The following RSPO2 variants were observed in gnomAD, a reference collection of about 807,000 sequenced individuals.
RSPO2 encodes R-spondin 2.
RSPO2 carries 14 observed loss-of-function variants against 30.9 expected under a neutral mutation model. The observed-to-expected ratio is 0.45, with a 90% CI of 0.30 to 0.71. The LOEUF is 0.71. Ranked by LOEUF, RSPO2 falls within the 30% of genes least tolerant of loss-of-function variation. The pLI, the probability that RSPO2 is intolerant of heterozygous loss-of-function variation, is 0.08. For synonymous variants in RSPO2, 107 were observed against 96.4 expected, an observed-to-expected ratio of 1.11 and a Z score of -0.64; for missense variants, 264 against 301.9, an observed-to-expected ratio of 0.87 and a Z score of 0.93.
At chr8:107,954,746 G>A (rs1813365865) in intron 5 of RSPO2, among the ~76,000 whole-genome samples, 1 of 152,104 alleles carries the variant, frequency 6.6e-6, no homozygotes, top group Non-Finnish European at 1.5e-5. Flanking sequence ...GAGTAGCTGG[G>A]ACTACAGGCA....
At chr8:107,981,872 A>AT (rs996950660) in intron 3 of RSPO2, among the ~76,000 whole-genome samples, 1 of 151,846 alleles carries the variant, frequency 6.6e-6, no homozygotes, top group Admixed American at 6.6e-5. Context: ...CTAATAATAC[A>AT]TTTTTTAAAA....
intron 5 of RSPO2, among the ~76,000 whole-genome samples, chr8:107,954,609 ATTTATTTATTTATTT>A (rs1813360566): frequency 1.6e-5 from 1 of 61,010 alleles, no homozygotes; most frequent in East Asian, 7.3e-4. Flanking sequence ...TATTTATTTT[ATTTATTTATTTATTT>A]ATTTTGAGAC....
chr8:107,946,368 G>T (rs1452370495), intron 5 of RSPO2, among the ~76,000 whole-genome samples: 1 of 152,204 alleles, frequency 6.6e-6, no homozygotes, highest in Non-Finnish European at 1.5e-5. Context: ...TGAGTAACTA[G>T]AAGACTAGTG....
At chr8:108,058,404 A>G (rs1586665865) in intron 2 of RSPO2, among the ~76,000 whole-genome samples, 1 of 152,314 alleles carries the variant, frequency 6.6e-6, no homozygotes, top group South Asian at 2.1e-4. Flanking sequence ...AATCAATATC[A>G]TGAAAATGGC....
At chr8:107,921,982 A>G (rs1464075609) in intron 5 of RSPO2, among the ~76,000 whole-genome samples, 2 of 152,220 alleles carry the variant, frequency 1.3e-5, no homozygotes, top group African/African-American at 4.8e-5. Context: ...TGACAAATCC[A>G]CAGCCAATGT....
intron 3 of RSPO2, among the ~76,000 whole-genome samples, chr8:107,980,089 A>G (rs1330337793): frequency 6.6e-6 from 1 of 152,076 alleles, no homozygotes; most frequent in Non-Finnish European, 1.5e-5. Flanking sequence ...CTCCTCTTTC[A>G]AGATAGTTTT....
intron 5 of RSPO2, among the ~76,000 whole-genome samples, chr8:107,947,099 T>C (rs555774182): frequency 6.6e-6 from 1 of 152,246 alleles, no homozygotes; most frequent in South Asian, 2.1e-4. Context: ...GAACACAGCA[T>C]TTAACTCAGA....
chr8:108,006,910 G>C (rs146593353), intron 2 of RSPO2, among the ~76,000 whole-genome samples: 16 of 152,236 alleles, frequency 1.1e-4, no homozygotes, highest in Non-Finnish European at 2.2e-4. Flanking sequence ...TTGTTTTGGT[G>C]AACTGTTTGA....
intron 2 of RSPO2, chr8:108,081,843 G>A (rs899181442): frequency 8.9e-5 from 83 of 935,800 alleles, no homozygotes; most frequent in African/African-American, 3.6e-5. Context: ...AGAGAGCGAA[G>A]TGGGGCCTGT....
intron 2 of RSPO2, among the ~76,000 whole-genome samples, chr8:108,061,907 A>G (rs947627663): frequency 2.0e-5 from 3 of 151,922 alleles, no homozygotes; most frequent in African/African-American, 7.3e-5. Context: ...AACTACATGG[A>G]AACTCAACAA....
chr8:108,013,323 C>A (rs1404336896), intron 2 of RSPO2, among the ~76,000 whole-genome samples: 1 of 152,136 alleles, frequency 6.6e-6, no homozygotes, highest in Non-Finnish European at 1.5e-5. Flanking sequence ...ATTCATCAGC[C>A]TGTTTCTGTT....
At chr8:108,048,240 T>C (rs1397949038) in intron 2 of RSPO2, among the ~76,000 whole-genome samples, 3 of 151,898 alleles carry the variant, frequency 2.0e-5, no homozygotes, top group African/African-American at 4.8e-5. Context: ...CACATCAGCT[T>C]GTAAGAAAGT....
Position 108,044,379 on chromosome 8 carries a change from C to A in RSPO2, c.94+38166G>T, listed in dbSNP as rs1053711530. On this transcript the variant is annotated intron_variant, in intron 2 of 5. Transcript: ENST00000276659. ...TACCCAACAGGTAATTTTTCAATTA[C>A]CCCCCTCTCTGTGCACTCTCAGAGT... Among the ~76,000 whole-genome samples the A allele has an allele frequency of 2.0e-5, 3 of 152,078 alleles. No individual in the cohort carries two copies. In the South Asian group the frequency reaches 6.2e-4, roughly 32 times the overall value.
rs747238565 is a variant in RSPO2, at chr8:107,989,133, C to T, written c.206G>A (p.Arg69His). 19 of 1,612,124 alleles carry T rather than the reference C, an allele frequency of 1.2e-5. No homozygotes were observed. The highest frequency in any genetic ancestry group is 9.9e-5 in the South Asian group (9 of 90,700). Residue 69 changes from arginine to histidine, a missense_variant, in exon 3 of 6, where the codon CGC (arginine) becomes CAC (histidine). Transcript: ENST00000276659. ...GGAATGCAGGCACTCTCCATACTGGCGCATCCCTTCTCTTCGAAGGAAGAA... is the reference window on the plus strand; with the variant it reads ...GGAATGCAGGCACTCTCCATACTGGTGCATCCCTTCTCTTCGAAGGAAGAA... Reference protein sequence around the residue: ...LFFFLRREGMRQYGECLHSCP... With the variant: ...LFFFLRREGMHQYGECLHSCP...
chr8:107,923,062 G>T (rs997611724), intron 5 of RSPO2, among the ~76,000 whole-genome samples: 1 of 152,106 alleles, frequency 6.6e-6, no homozygotes, highest in East Asian at 1.9e-4. Context: ...TACAACAAAA[G>T]TAAAAATTGA....
At position 108,079,045 on chromosome 8, in the gene RSPO2, G is replaced by A. The variant is rs538465722; in HGVS notation, c.94+3500C>T. On this transcript the variant is annotated intron_variant, in intron 2 of 5. Coordinates refer to ENST00000276659, the MANE Select transcript of RSPO2 (RefSeq NM_178565.5). ...CTTACAACCATTCCAAAAAATGAAAGTAATCAAAGAACTCCACTTAACATA... is the reference window on the plus strand; with the variant it reads ...CTTACAACCATTCCAAAAAATGAAAATAATCAAAGAACTCCACTTAACATA... Among the ~76,000 whole-genome samples the A allele has an allele frequency of 2.6e-5, 4 of 152,246 alleles. No individual in the cohort carries two copies. The East Asian group carries it at 7.7e-4, about 29-fold the overall frequency.
At chr8:107,959,452 C>T (rs1038557227) in intron 4 of RSPO2, among the ~76,000 whole-genome samples, 1 of 152,134 alleles carries the variant, frequency 6.6e-6, no homozygotes, top group Non-Finnish European at 1.5e-5. Flanking sequence ...TCAACTTCAC[C>T]GTTAAAACTC....
intron 3 of RSPO2, among the ~76,000 whole-genome samples, chr8:107,981,935 G>A (rs985312731): frequency 6.8e-6 from 1 of 147,158 alleles, no homozygotes; most frequent in African/African-American, 2.5e-5. Context: ...TGGGGAGGCT[G>A]TAGTGGGAGG....
chr8:107,975,435 A>G (rs927252731), intron 3 of RSPO2, among the ~76,000 whole-genome samples: 1 of 152,204 alleles, frequency 6.6e-6, no homozygotes, highest in Non-Finnish European at 1.5e-5. Context: ...ATTGACTTTC[A>G]TTGAACTATT....
Sources: allele counts gnomAD v4.1 joint callset (sites outside exome capture counted in the v4.1 genomes callset), GRCh38; gene constraint gnomAD v4.1.1; transcripts MANE v1.5; gene names NCBI Gene and HGNC (gene_info 2026-07-23, HGNC 2026-07-21).